The following LAMB4 variants were observed in gnomAD, a reference collection of about 807,000 sequenced individuals.
LAMB4 encodes laminin subunit beta 4.
LAMB4 carries 196 observed loss-of-function variants against 199.2 expected under a neutral mutation model. The observed-to-expected ratio is 0.98, with a 90% CI of 0.88 to 1.11. The LOEUF is 1.11. Ranked by LOEUF, LAMB4 falls within the 50% of genes least tolerant of loss-of-function variation. LAMB4 has a pLI of 0.00. For missense variants in LAMB4, 2,080 were observed against 2,171.2 expected (o/e 0.96, Z 0.83); for synonymous variants, 744 against 770.6 (o/e 0.97, Z 0.57).
In LAMB4 at chr7:108,078,269, C is replaced by A; in HGVS notation, c.1935G>T (p.Gly645=). 6.2e-7 allele frequency: 1 copy of A among 1,611,310 alleles called. No individual in the cohort carries two copies. Among genetic ancestry groups the A allele is most frequent in the Non-Finnish European group, 8.5e-7 (1 of 1,178,946 alleles). ...TVQIVVNPPG[G]SEHCIPKTLQ... ...GAGTCTTGGGTATGCAGTGCTCACT[C>A]CCTCCAGGGGGGTTCACCACAATCT... The change falls in exon 16 of 34, where the codon GGG becomes GGT. Residue 645 remains glycine, a synonymous_variant. Transcript: ENST00000388781.
intron 10 of LAMB4, among the ~76,000 whole-genome samples, chr7:108,099,153 G>GTTCT (rs2037732117): frequency 6.6e-6 from 1 of 152,182 alleles, no homozygotes; most frequent in South Asian, 2.1e-4. Context: ...AGAAACACCT[G>GTTCT]TAAGAAGGAA....
At chr7:108,059,651 ACCC>A (rs1367609854) in intron 23 of LAMB4, among the ~76,000 whole-genome samples, 1 of 151,316 alleles carries the variant, frequency 6.6e-6, no homozygotes, top group African/African-American at 2.4e-5. Flanking sequence ...TGGGCACAGC[ACCC>A]CCCTACTCCA....
intron 11 of LAMB4, among the ~76,000 whole-genome samples, chr7:108,097,303 C>T (rs1274694867): frequency 1.3e-5 from 2 of 152,124 alleles, no homozygotes; most frequent in African/African-American, 4.8e-5. Flanking sequence ...TACGGAGGCC[C>T]GGAGCAGCTC....
intron 23 of LAMB4, among the ~76,000 whole-genome samples, chr7:108,060,452 G>A (rs2036123734): frequency 6.6e-6 from 1 of 152,154 alleles, no homozygotes; most frequent in Admixed American, 6.5e-5. Flanking sequence ...AAACAGGCAT[G>A]ACCATCCAGT....
chr7:108,094,559 T>C (rs1192858499), intron 12 of LAMB4, among the ~76,000 whole-genome samples: 1 of 145,956 alleles, frequency 6.9e-6, no homozygotes, highest in Non-Finnish European at 1.5e-5. Context: ...GTTCTTTTAT[T>C]AGGTTAAGAT....
chr7:108,079,828 A>G, intron 14 of LAMB4, 42 bp from the exon 15 acceptor site: 1 of 1,465,952 alleles, frequency 6.8e-7, no homozygotes, highest in Non-Finnish European at 9.1e-7. Flanking sequence ...CCTACAGTCA[A>G]GGCCTGAAAG....
rs1330120386 is a variant in LAMB4, at chr7:108,024,135, TG to T, written c.5189del (p.Ala1730GlufsTer6). ...CCAATATTCTCAGTTGATCAGCTTT[TG>T]CTTGTCTACTTAGATTCAAATCTTG... ...KIQDLNLSRQ[A>X]KADQLRILED... On this transcript the variant is annotated frameshift_variant, in exon 34 of 34. Transcript: ENST00000388781. LOFTEE classifies it high-confidence loss of function. The T allele has an allele frequency of 6.3e-7, 1 of 1,595,666 alleles. No homozygotes were observed.
chr7:108,036,762 GAGTT>G (rs1035154869), intron 30 of LAMB4, among the ~76,000 whole-genome samples: 12 of 151,970 alleles, frequency 7.9e-5, no homozygotes, highest in African/African-American at 2.7e-4. Flanking sequence ...CAAAAGGCAA[GAGTT>G]AGTTAACTCT....
At chr7:108,026,815 C>T in intron 33 of LAMB4, 3 of 483,228 alleles carry the variant, frequency 6.2e-6, no homozygotes, top group Non-Finnish European at 1.2e-5. Flanking sequence ...CAGAGAGGAA[C>T]AGGCACAGCC....
chr7:108,014,320 C>T, the LAMB4 span, among the ~76,000 whole-genome samples: 1 of 152,134 alleles, frequency 6.6e-6, no homozygotes, highest in South Asian at 2.1e-4. Context: ...AACTAGAGTT[C>T]GTTTGAGTTG....
intron 15 of LAMB4, among the ~76,000 whole-genome samples, chr7:108,079,153 A>G (rs1277715357): frequency 6.6e-6 from 1 of 152,232 alleles, no homozygotes; most frequent in Non-Finnish European, 1.5e-5. Flanking sequence ...ACTAGTGGGA[A>G]ACAAGAGGGG....
intron 29 of LAMB4, 114 bp from the exon 30 acceptor site, chr7:108,037,709 C>A: frequency 2.7e-6 from 2 of 734,348 alleles, no homozygotes; most frequent in East Asian, 2.6e-5. Context: ...ATTATGTGCC[C>A]CTAGAATACA....
intron 14 of LAMB4, among the ~76,000 whole-genome samples, chr7:108,089,899 C>T (rs780289774): frequency 8.5e-5 from 13 of 152,160 alleles, no homozygotes; most frequent in Non-Finnish European, 1.3e-4. Flanking sequence ...CTCCTGGACT[C>T]AAGTGATCCT....
At chr7:108,114,515 C>A (rs2038343375) in intron 3 of LAMB4, among the ~76,000 whole-genome samples, 1 of 152,240 alleles carries the variant, frequency 6.6e-6, no homozygotes, top group Non-Finnish European at 1.5e-5. Flanking sequence ...TTGAGCAGAA[C>A]TTCCACCATG....
chr7:108,029,227 A>T, intron 32 of LAMB4, 31 bp from the exon 33 acceptor site: 1 of 1,595,236 alleles, frequency 6.3e-7, no homozygotes. Context: ...ATCATGAGAA[A>T]ATATGTATAA....
rs894512391 is a variant in LAMB4 at position 108,066,413 on chromosome 7, T to C, written c.2634A>G (p.Ser878=). The C allele has an allele frequency of 8.7e-6, 14 of 1,614,234 alleles. No individual in the cohort carries two copies. The highest frequency in any genetic ancestry group is 8.5e-6 in the Non-Finnish European group (10 of 1,180,038). ...TTGTAAAGCCTCCACAATTGAAGCATGACCCTGTCTCAGGATCACAAAGTT... is the reference window on the plus strand; with the variant it reads ...TTGTAAAGCCTCCACAATTGAAGCACGACCCTGTCTCAGGATCACAAAGTT... ...FAELCDPETG[S]CFNCGGFTTG... The change falls in exon 20 of 34, where the codon TCA becomes TCG. Residue 878 remains serine (S), a synonymous_variant. Transcript: ENST00000388781.
Position 108,106,474 on chromosome 7 carries a change from T to A in LAMB4, c.655+35A>T, listed in dbSNP as rs1554447010. 1.5e-5 allele frequency: 19 copies of A among 1,274,094 alleles called. No individual in the cohort carries two copies. In the South Asian group the frequency reaches 2.1e-4, roughly 14 times the overall value. 78.9% of individuals were successfully genotyped at this position (1,274,094 alleles called of 1,614,324 possible). On this transcript the variant is annotated intron_variant, in intron 7 of 33. Transcript: ENST00000388781. ...GAATATGCCAAACATGAAATTTTTT[T>A]AAAGCTGATATGAAAAATATAAAGG...
At chr7:108,040,061 G>A (rs1292427756) in intron 29 of LAMB4, among the ~76,000 whole-genome samples, 1 of 152,170 alleles carries the variant, frequency 6.6e-6, no homozygotes, top group Non-Finnish European at 1.5e-5. Flanking sequence ...CTTCAGTAAG[G>A]TCTCAGGATA....
rs745838839 is a variant in LAMB4 at position 108,092,402 on chromosome 7, G to A, written c.1485C>T (p.Gly495=). 6.5e-5 allele frequency: 105 copies of A among 1,613,688 alleles called. No individual in the cohort carries two copies. The highest frequency in any genetic ancestry group is 8.3e-5 in the Non-Finnish European group (98 of 1,179,782). Residue 495 remains glycine (G), a synonymous_variant, in exon 13 of 34, where the codon GGC becomes GGT. Coordinates refer to ENST00000388781, the MANE Select transcript of LAMB4 (RefSeq NM_007356.3). ...HCEECTVGYW[G]LGNHLHGCSP... ...AACACCCATGGAGATGATTTCCCAGGCCCCAGTATCCAACCTACAGAGAAA... is the reference window on the plus strand; with the variant it reads ...AACACCCATGGAGATGATTTCCCAGACCCCAGTATCCAACCTACAGAGAAA...
Sources: gnomAD v4.1 joint callset for allele counts (sites outside exome capture counted in the v4.1 genomes callset) on GRCh38, gnomAD v4.1.1 for gene constraint, MANE v1.5 for transcripts, NCBI Gene and HGNC (gene_info 2026-07-23, HGNC 2026-07-21) for gene names.